TMPRSS6: variants seen among roughly 807,000 people sequenced by gnomAD.
TMPRSS6 encodes the protein transmembrane protease serine 6.
A neutral mutation model predicts 101.5 loss-of-function variants in TMPRSS6; 67 were observed. The observed-to-expected ratio is 0.66, with a 90% CI of 0.54 to 0.81. TMPRSS6 has a LOEUF of 0.81. Ranked by LOEUF, TMPRSS6 falls within the 30% of genes least tolerant of loss-of-function variation. The probability of loss-of-function intolerance (pLI) is 0.00; values close to 1 mark genes in which losing one functional copy is unlikely to be tolerated. For synonymous variants in TMPRSS6, 453 were observed against 464.9 expected (o/e 0.97, Z 0.33); for missense variants, 1,034 against 1,088.7 (o/e 0.95, Z 0.71).
upstream of TMPRSS6, among the ~76,000 whole-genome samples, chr22:37,110,503 G>A (rs967913277): frequency 2.0e-5 from 3 of 152,142 alleles, no homozygotes; most frequent in Non-Finnish European, 4.4e-5. Context: ...CTGGTCACCC[G>A]TGGCTCTTGA....
At chr22:37,092,116 C>G (rs1271862612) in intron 6 of TMPRSS6, among the ~76,000 whole-genome samples, 1 of 147,454 alleles carries the variant, frequency 6.8e-6, no homozygotes, top group African/African-American at 2.6e-5. Context: ...GAGACGAATT[C>G]CGTGGAGAGG....
intron 7 of TMPRSS6, among the ~76,000 whole-genome samples, chr22:37,088,225 G>C (rs1360320583): frequency 6.6e-6 from 1 of 152,146 alleles, no homozygotes; most frequent in Non-Finnish European, 1.5e-5. Flanking sequence ...CAGAAACTCA[G>C]CCCACGCACA....
chr22:37,073,683 G>A, intron 12 of TMPRSS6, 38 bp from the exon 13 acceptor site: 3 of 1,400,602 alleles, frequency 2.1e-6, no homozygotes, highest in Non-Finnish European at 3.0e-6. Flanking sequence ...GTGGGAGGAA[G>A]CCAGAGGAGC....
At chr22:37,098,056 G>A (rs1428271106) in intron 3 of TMPRSS6, among the ~76,000 whole-genome samples, 5 of 149,360 alleles carry the variant, frequency 3.3e-5, no homozygotes, top group Admixed American at 2.0e-4. Context: ...GTCCTGTAAC[G>A]GAGGGGGAGG....
At chr22:37,109,000 T>A (rs1930894814) in intron 1 of TMPRSS6, among the ~76,000 whole-genome samples, 2 of 152,106 alleles carry the variant, frequency 1.3e-5, no homozygotes. Context: ...AATTCATAGA[T>A]GCACGCCCTT....
intron 7 of TMPRSS6, among the ~76,000 whole-genome samples, chr22:37,088,066 G>A (rs1928925950): frequency 6.6e-6 from 1 of 152,124 alleles, no homozygotes; most frequent in Admixed American, 6.5e-5. Flanking sequence ...GCCACAGTGA[G>A]TAGGAACAGA....
In TMPRSS6 at chr22:37,073,572, AG is replaced by A; in HGVS notation, c.1514del (p.Pro505LeufsTer31). On this transcript the variant is annotated frameshift_variant, in exon 13 of 18. Transcript: ENST00000676104. LOFTEE classifies it high-confidence loss of function. Reference protein sequence around the residue: ...ISLPKVCDGQPDCLNGSDEEQ... With the variant: ...ISLPKVCDGQXDCLNGSDEEQ... Reference sequence around the variant, plus strand: ...CTTCGTCGCTGCCGTTGAGACAATCAGGCTGCCCATCACAGACCTTGGGCAG... The same window carrying A: ...CTTCGTCGCTGCCGTTGAGACAATCAGCTGCCCATCACAGACCTTGGGCAG... 6 of 1,614,030 alleles carry A rather than the reference AG, an allele frequency of 3.7e-6. No homozygotes were observed. The highest frequency in any genetic ancestry group is 5.1e-6 in the Non-Finnish European group (6 of 1,179,898).
chr22:37,095,459 A>G, intron 6 of TMPRSS6, 92 bp downstream of exon 6: 1 of 1,521,534 alleles, frequency 6.6e-7, no homozygotes, highest in Non-Finnish European at 9.1e-7. Context: ...CTGCACACAC[A>G]ACAGAAGCCA....
Position 37,074,644 on chromosome 22 carries a change from C to A in TMPRSS6, c.1407G>T (p.Lys469Asn), listed in dbSNP as rs1264412545. The change falls in exon 12 of 18, where the codon AAG (lysine) becomes AAT (asparagine). Residue 469 changes from lysine (K) to asparagine (N), a missense_variant. Transcript: ENST00000676104. ...TCTCATCCAGGCCGTTGGGGCAGTC[C>A]TTGACCCCATCACAGGCAGGGACAC... ...GLCVPACDGV[K>N]DCPNGLDERN... is the part of the protein sequence containing the mutation. 1.2e-6 allele frequency: 2 copies of A among 1,614,212 alleles called. No homozygotes were observed. Among genetic ancestry groups the A allele is most frequent in the Non-Finnish European group, 1.7e-6 (2 of 1,180,036 alleles).
chr22:37,070,471 C>A lies in TMPRSS6; in HGVS notation c.1841+13G>T, dbSNP rs774763853. The stretch of plus-strand genomic sequence containing the variant: ...GTCTCTTACTGCCTAGGCCCCCACA[C>A]CCTCCCGCTCACCTGTCCTCCTGGA... On this transcript the variant is annotated intron_variant, in intron 15 of 17. Coordinates refer to ENST00000676104, the MANE Select transcript of TMPRSS6 (RefSeq NM_001374504.1). 1.2e-6 allele frequency: 2 copies of A among 1,613,364 alleles called. No individual in the cohort carries two copies. Among genetic ancestry groups the A allele is most frequent in the South Asian group, 2.2e-5 (2 of 91,088 alleles).
chr22:37,109,623 ATGACCAGGGTGTCTGGCCCTTGTCC>A lies in TMPRSS6; in HGVS notation c.-147_-123del, dbSNP rs1930948353. The A allele has an allele frequency of 6.6e-6, 1 of 152,178 alleles. No homozygotes were observed. The highest frequency in any genetic ancestry group is 1.5e-5 in the Non-Finnish European group (1 of 68,078). 9.4% of individuals were successfully genotyped at this position (152,178 alleles called of 1,614,324 possible). A position where few individuals can be genotyped will look rare whatever the true frequency, so the allele number is the denominator to read the frequency against. ...CAGGCTGGATCAATGGCCTAGAGCCATGACCAGGGTGTCTGGCCCTTGTCCCCTGTGGCCTGTGGCCTCAGGCTCC... is the reference window on the plus strand; with the variant it reads ...CAGGCTGGATCAATGGCCTAGAGCCACCTGTGGCCTGTGGCCTCAGGCTCC... On this transcript the variant is annotated 5_prime_UTR_variant, in exon 1 of 18. It removes an upstream start codon present in the reference 5' UTR. Transcript: ENST00000676104.
At chr22:37,107,525 T>C (rs979481334) in intron 1 of TMPRSS6, among the ~76,000 whole-genome samples, 1 of 134,640 alleles carries the variant, frequency 7.4e-6, no homozygotes, top group Non-Finnish European at 1.6e-5. Context: ...CAGGCCACCG[T>C]CATCTGTCAC....
chr22:37,106,802 C>A (rs1930740809), intron 1 of TMPRSS6, among the ~76,000 whole-genome samples: 2 of 152,186 alleles, frequency 1.3e-5, no homozygotes, highest in African/African-American at 2.4e-5. Flanking sequence ...GCACATGGTG[C>A]CCCAGGCCCA....
Position 37,066,787 on chromosome 22 carries a change from T to G in TMPRSS6, c.2250+39A>C, listed in dbSNP as rs113696730. Reference sequence around the variant, plus strand: ...ACCCTGGTGATGTGGGCAGCATCCTTTCTCCCTCCTCTCTCCCTCCCATGC... The same window carrying G: ...ACCCTGGTGATGTGGGCAGCATCCTGTCTCCCTCCTCTCTCCCTCCCATGC... On this transcript the variant is annotated intron_variant, in intron 17 of 17. Transcript: ENST00000676104. 10 of 1,613,420 alleles carry G rather than the reference T, an allele frequency of 6.2e-6. No homozygotes were observed. In the African/African-American group the frequency reaches 8.0e-5, roughly 13 times the overall value.
chr22:37,067,164 G>A (rs1184684495), intron 16 of TMPRSS6, among the ~76,000 whole-genome samples: 1 of 152,172 alleles, frequency 6.6e-6, no homozygotes, highest in African/African-American at 2.4e-5. Flanking sequence ...CATGGTGACA[G>A]CCCCCGACCA....
chr22:37,068,691 G>A (rs1200215440), intron 16 of TMPRSS6: 2 of 779,666 alleles, frequency 2.6e-6, no homozygotes, highest in Non-Finnish European at 2.4e-6. Flanking sequence ...GCTGTTGGGT[G>A]GATTATATGA....
chr22:37,083,195 TAG>T (rs890695804), intron 10 of TMPRSS6: 5 of 406,494 alleles, frequency 1.2e-5, no homozygotes, highest in South Asian at 5.7e-5. Flanking sequence ...CGATGAAGGA[TAG>T]AGTCTCCTCT....
At chr22:37,070,368 T>A (rs1926768372) in intron 15 of TMPRSS6, 116 bp downstream of exon 15, 2 of 1,364,042 alleles carry the variant, frequency 1.5e-6, no homozygotes, top group Admixed American at 1.7e-5. Context: ...GTAGCCTGTC[T>A]GGGGGGTCCA....
intron 6 of TMPRSS6, among the ~76,000 whole-genome samples, chr22:37,092,034 T>G (rs1014489946): frequency 6.6e-6 from 1 of 151,552 alleles, no homozygotes; most frequent in South Asian, 2.1e-4. Flanking sequence ...TAGGGTTTTG[T>G]GTTCTTTAAA....
Sources: allele counts gnomAD v4.1 joint callset (sites outside exome capture counted in the v4.1 genomes callset), GRCh38; gene constraint gnomAD v4.1.1; transcripts MANE v1.5; gene names NCBI Gene and HGNC (gene_info 2026-07-23, HGNC 2026-07-21).